KLF8: variants seen among roughly 807,000 people sequenced by gnomAD.
KLF8 encodes the protein Krueppel-like factor 8.
A neutral mutation model predicts 18.2 loss-of-function variants in KLF8; 10 were observed. The ratio of observed to expected loss-of-function variants is 0.55; its 90% CI spans 0.34 to 0.93. The LOEUF is 0.93. KLF8 is among the 40% of genes least tolerant of loss of function. The probability of loss-of-function intolerance (pLI) is 0.02; values close to 1 mark genes in which losing one functional copy is unlikely to be tolerated. For synonymous variants in KLF8, 109 were observed against 97.3 expected, an observed-to-expected ratio of 1.12 and a Z score of -0.71; for missense variants, 264 against 277.9, an observed-to-expected ratio of 0.95 and a Z score of 0.36.
intron 2 of KLF8, among the ~76,000 whole-genome samples, chrX:56,260,970 A>T (rs2066874913): frequency 9.0e-6 from 1 of 111,632 alleles, no homozygotes; most frequent in Non-Finnish European, 1.9e-5. Context: ...GCTCCACATC[A>T]GAGCTGTTTC....
At chrX:56,081,096 G>T in the KLF8 span, among the ~76,000 whole-genome samples, 1 of 111,309 alleles carries the variant, frequency 9.0e-6, no homozygotes, top group Non-Finnish European at 1.9e-5. Flanking sequence ...TGGTTTGAAT[G>T]TCCTCCCTTA....
At chrX:55,920,892 T>G in the KLF8 span, among the ~76,000 whole-genome samples, 2 of 112,039 alleles carry the variant, frequency 1.8e-5, no homozygotes, top group African/African-American at 3.2e-5. Context: ...GCTAGACATC[T>G]AAACTTAAAA....
the KLF8 span, among the ~76,000 whole-genome samples, chrX:55,987,854 C>T: frequency 8.9e-6 from 1 of 111,770 alleles, no homozygotes; most frequent in African/African-American, 3.2e-5. Context: ...GCATCCTCTC[C>T]AGCACCTGTT....
At chrX:56,162,538 G>A in the KLF8 span, among the ~76,000 whole-genome samples, 7 of 111,502 alleles carry the variant, frequency 6.3e-5, no homozygotes, top group Admixed American at 9.5e-5. Context: ...GGCAATGAGC[G>A]AGGCTCTGTG....
chrX:56,082,066 A>T, the KLF8 span, among the ~76,000 whole-genome samples: 1 of 111,651 alleles, frequency 9.0e-6, no homozygotes, highest in Non-Finnish European at 1.9e-5. Flanking sequence ...ATTCAGTGGT[A>T]AAGCCATTTG....
chrX:56,079,825 G>A, the KLF8 span, among the ~76,000 whole-genome samples: 12 of 110,868 alleles, frequency 1.1e-4, no homozygotes, highest in Admixed American at 6.7e-4. Flanking sequence ...TATGAATCTC[G>A]GTGCTCCTGT....
At chrX:56,004,116 AG>A in the KLF8 span, among the ~76,000 whole-genome samples, 2 of 112,455 alleles carry the variant, frequency 1.8e-5, no homozygotes, top group Admixed American at 1.9e-4. Context: ...TCACAGTAAA[AG>A]GGAGAGGAAA....
chrX:56,149,801 A>G, the KLF8 span, among the ~76,000 whole-genome samples: 69 of 110,682 alleles, frequency 6.2e-4, 1 homozygote, highest in East Asian at 0.017. Flanking sequence ...TGGGGCTCAA[A>G]TCTCACTAAC....
the KLF8 span, among the ~76,000 whole-genome samples, chrX:56,136,405 G>A: frequency 9.0e-6 from 1 of 110,850 alleles, no homozygotes; most frequent in Non-Finnish European, 1.9e-5. Flanking sequence ...CCAAAACAGA[G>A]ATATAGATCA....
At chrX:56,087,328 G>A in the KLF8 span, among the ~76,000 whole-genome samples, 3 of 110,564 alleles carry the variant, frequency 2.7e-5, no homozygotes, top group African/African-American at 9.9e-5. Context: ...TGGATCATGG[G>A]GGTTTATTTC....
chrX:56,254,361 C>A (rs2066759043), intron 2 of KLF8, among the ~76,000 whole-genome samples: 1 of 111,374 alleles, frequency 9.0e-6, no homozygotes, highest in African/African-American at 3.3e-5. Flanking sequence ...TGCCTTTGGG[C>A]ACCGGCAGGA....
In KLF8 at chrX:56,232,414, A is replaced by C; in HGVS notation, c.-921A>C. ...TTTTAAGGAACTCCACCCTAGGTGG[A>C]GTCCTCACGATAGTCACACCTCTCC... On this transcript the variant is annotated 5_prime_UTR_variant, in exon 1 of 6. Coordinates refer to ENST00000468660, the MANE Select transcript of KLF8 (RefSeq NM_007250.5). 9.2e-6 allele frequency: 1 copy of C among 108,429 alleles called. No homozygotes were observed. Among genetic ancestry groups the C allele is most frequent in the Non-Finnish European group, 1.9e-5 (1 of 52,318 alleles). The allele number at this position is 108,429 out of a possible 1,213,427, so 8.9% of individuals were successfully genotyped here. A position where few individuals can be genotyped will look rare whatever the true frequency, so the allele number is the denominator to read the frequency against.
the KLF8 span, among the ~76,000 whole-genome samples, chrX:56,160,607 C>T: frequency 9.0e-6 from 1 of 111,547 alleles, no homozygotes; most frequent in South Asian, 3.8e-4. Flanking sequence ...GGATAGTTAG[C>T]TGTTGTTGTT....
chrX:55,947,847 C>G, the KLF8 span, among the ~76,000 whole-genome samples: 2 of 111,837 alleles, frequency 1.8e-5, no homozygotes, highest in Non-Finnish European at 3.8e-5. Context: ...AACATTTCCT[C>G]TTTTAAAAAA....
chrX:56,106,367 G>A, the KLF8 span, among the ~76,000 whole-genome samples: 2 of 112,088 alleles, frequency 1.8e-5, no homozygotes, highest in African/African-American at 6.5e-5. Flanking sequence ...CAGACGTAGA[G>A]TTGGTCTTTT....
the KLF8 span, among the ~76,000 whole-genome samples, chrX:56,161,194 C>G: frequency 8.9e-6 from 1 of 111,805 alleles, no homozygotes; most frequent in Admixed American, 9.5e-5. Flanking sequence ...AAATTCTTTT[C>G]TTTAAGAATG....
At chrX:56,150,541 A>C in the KLF8 span, among the ~76,000 whole-genome samples, 2 of 111,575 alleles carry the variant, frequency 1.8e-5, no homozygotes, top group African/African-American at 6.5e-5. Context: ...TGTATCATCT[A>C]TATCAATGAA....
chrX:56,163,269 T>C, the KLF8 span, among the ~76,000 whole-genome samples: 26 of 112,062 alleles, frequency 2.3e-4, no homozygotes, highest in Admixed American at 4.8e-4. Flanking sequence ...TTTTTTTGAC[T>C]TTTTAATGAT....
intron 1 of KLF8, among the ~76,000 whole-genome samples, chrX:56,234,763 A>G (rs777182930): frequency 8.9e-6 from 1 of 112,617 alleles, no homozygotes; most frequent in East Asian, 2.8e-4. Flanking sequence ...ACCTCATCCC[A>G]TTCTTCAGAG....
Sources: allele counts gnomAD v4.1 joint callset (sites outside exome capture counted in the v4.1 genomes callset), GRCh38; gene constraint gnomAD v4.1.1; transcripts MANE v1.5; gene names NCBI Gene and HGNC (gene_info 2026-07-23, HGNC 2026-07-21).